MAP4K5: variants seen among roughly 807,000 people sequenced by gnomAD.
The protein encoded by MAP4K5 is MAPK/ERK kinase kinase kinase 5.
MAP4K5 carries 82 observed loss-of-function variants against 135.6 expected under a neutral mutation model. The observed-to-expected ratio is 0.60, with a 90% CI of 0.51 to 0.73. The LOEUF (loss-of-function observed/expected upper bound fraction) is 0.73, where lower values mean the gene tolerates loss of function less well. Ranked by LOEUF, MAP4K5 falls within the 30% of genes least tolerant of loss-of-function variation. The pLI, the probability that MAP4K5 is intolerant of heterozygous loss-of-function variation, is 0.00. For synonymous variants in MAP4K5, 347 were observed against 335.0 expected (o/e 1.04, Z -0.39); for missense variants, 907 against 1,010.9 (o/e 0.90, Z 1.39).
At chr14:50,547,326 G>GA (rs201867805) in intron 1 of MAP4K5, among the ~76,000 whole-genome samples, 125 of 150,614 alleles carry the variant, frequency 8.3e-4, no homozygotes, top group Non-Finnish European at 4.9e-4. Flanking sequence ...ATTTCCAGTT[G>GA]AAAAAAAAAT....
At chr14:50,522,322 A>C (rs1048946928) in intron 2 of MAP4K5, among the ~76,000 whole-genome samples, 2 of 152,046 alleles carry the variant, frequency 1.3e-5, no homozygotes, top group Non-Finnish European at 2.9e-5. Context: ...ATCTTCACCA[A>C]GTTGAAAGTA....
Position 50,485,648 on chromosome 14 carries a change from AC to A in MAP4K5, c.258-7del, listed in dbSNP as rs1566672464. The A allele has an allele frequency of 2.8e-5, 42 of 1,520,208 alleles. No individual in the cohort carries two copies. The highest frequency in any genetic ancestry group is 8.0e-5 in the Admixed American group (4 of 50,256). The allele number at this position is 1,520,208 out of a possible 1,614,324, so 94.2% of individuals were successfully genotyped here. The stretch of plus-strand genomic sequence containing the variant: ...AAATCCATAGTTTTTCCCGACTAAT[AC>A]AAAAAAAAAAGAAAATTATATTAGC... On this transcript the variant is annotated splice_region_variant and splice_polypyrimidine_tract_variant and intron_variant, in intron 4 of 32. Transcript: ENST00000682126.
chr14:50,449,122 C>G (rs911915650), intron 14 of MAP4K5: 3 of 307,916 alleles, frequency 9.7e-6, no homozygotes, highest in Non-Finnish European at 1.8e-5. Flanking sequence ...AAATAAATGA[C>G]TAAGTAAAAA....
Position 50,445,129 on chromosome 14 carries a change from A to G in MAP4K5, c.1251T>C (p.His417=). 1 of 1,613,636 alleles carries G rather than the reference A, an allele frequency of 6.2e-7. No homozygotes were observed. The highest frequency in any genetic ancestry group is 1.1e-5 in the South Asian group (1 of 91,056). The change falls in exon 18 of 33, where the codon CAT becomes CAC. Residue 417 remains histidine (H), a synonymous_variant. Transcript: ENST00000682126. ...PDEEKASTIK[H]CPDSESRAPQ... ...GAGCTCTGCTTTCTGAATCAGGACA[A>G]TGTTTTATGGTTGATGCTTTTTCTT...
chr14:50,490,547 C>T (rs1223178804), intron 3 of MAP4K5, among the ~76,000 whole-genome samples: 2 of 152,168 alleles, frequency 1.3e-5, no homozygotes, highest in African/African-American at 4.8e-5. Context: ...GACAGATTTG[C>T]TAAAAAGTGT....
At chr14:50,525,926 A>C (rs4257133) in intron 2 of MAP4K5, among the ~76,000 whole-genome samples, 129,428 of 152,176 alleles carry the variant, frequency 0.85, 56,644 homozygotes, top group Non-Finnish European at 0.94. Context: ...TTCCTGCCAG[A>C]AAATAGCCTC....
rs1254495771 is a variant in MAP4K5, at chr14:50,476,174, G to A, written c.427-4C>T. The A allele has an allele frequency of 3.3e-6, 5 of 1,506,902 alleles. No individual in the cohort carries two copies. In the South Asian group the frequency reaches 5.2e-5, roughly 16 times the overall value. The allele number at this position is 1,506,902 out of a possible 1,614,324, so 93.3% of individuals were successfully genotyped here. ...CTGTCAATAAAATATTAGCACCCTAGAACAAAAATACAAATACAATTAAAT... is the reference window on the plus strand; with the variant it reads ...CTGTCAATAAAATATTAGCACCCTAAAACAAAAATACAAATACAATTAAAT... On this transcript the variant is annotated splice_region_variant and splice_polypyrimidine_tract_variant and intron_variant, in intron 7 of 32. Transcript: ENST00000682126.
chr14:50,478,515 T>C (rs959221962), intron 6 of MAP4K5, among the ~76,000 whole-genome samples: 4 of 152,156 alleles, frequency 2.6e-5, no homozygotes, highest in Admixed American at 2.0e-4. Flanking sequence ...TTTTGAGAGC[T>C]TCTGTTTAGT....
At position 50,485,578 on chromosome 14, in the gene MAP4K5, C is replaced by T; in HGVS notation, c.322G>A (p.Val108Ile). The T allele has an allele frequency of 2.6e-6, 4 of 1,530,126 alleles. No homozygotes were observed. Among genetic ancestry groups the T allele is most frequent in the Non-Finnish European group, 3.5e-6 (4 of 1,127,436 alleles). The allele number at this position is 1,530,126 out of a possible 1,614,324, so 94.8% of individuals were successfully genotyped here. A position where few individuals can be genotyped will look rare whatever the true frequency, so the allele number is the denominator to read the frequency against. Residue 108 changes from valine (V) to isoleucine (I), a missense_variant and splice_region_variant, in exon 5 of 33, where the codon GTT (valine) becomes ATT (isoleucine). Val to Ile is a conservative substitution (Grantham distance 29, BLOSUM62 3). Around this residue, in one of 3 missense-constraint regions of MAP4K5, gnomAD observed 196 missense variants for 189.3 expected, o/e 1.04. Coordinates refer to ENST00000682126, the MANE Select transcript of MAP4K5 (RefSeq NM_006575.6). Reference sequence around the variant, plus strand: ...AAATGTAAAGTCAAATTAACAGTACCATGGTAAATATCTTGAAGTGATCCG... The same window carrying T: ...AAATGTAAAGTCAAATTAACAGTACTATGGTAAATATCTTGAAGTGATCCG... ...GGGSLQDIYHVTGPLSELQIA... is the reference protein window; with the variant it reads ...GGGSLQDIYHITGPLSELQIA...
intron 1 of MAP4K5, among the ~76,000 whole-genome samples, chr14:50,543,543 G>T (rs1263953790): frequency 6.6e-6 from 1 of 152,182 alleles, no homozygotes; most frequent in Non-Finnish European, 1.5e-5. Flanking sequence ...AAGTGTGGCA[G>T]CAGAGTCATG....
intron 1 of MAP4K5, among the ~76,000 whole-genome samples, chr14:50,552,035 T>G (rs868767517): frequency 5.9e-5 from 9 of 152,022 alleles, no homozygotes; most frequent in South Asian, 2.1e-4. Flanking sequence ...AAGAAAGAAA[T>G]AAAGGGTATT....
chr14:50,436,725 G>GTGGTTGGCAA (rs1307848512), intron 26 of MAP4K5, among the ~76,000 whole-genome samples: 1 of 152,134 alleles, frequency 6.6e-6, no homozygotes, highest in African/African-American at 2.4e-5. Flanking sequence ...GTGGTTGGCA[G>GTGGTTGGCAA]TGGTTGGCAA....
chr14:50,464,843 G>A (rs909784691), intron 11 of MAP4K5, among the ~76,000 whole-genome samples: 4 of 152,198 alleles, frequency 2.6e-5, no homozygotes, highest in African/African-American at 9.6e-5. Flanking sequence ...TTGGTGGCTT[G>A]CGATAAAGAT....
chr14:50,465,347 A>G lies in MAP4K5; in HGVS notation c.738-1214T>C, dbSNP rs190379302. On this transcript the variant is annotated intron_variant, in intron 11 of 32. Transcript: ENST00000682126. ...TCTAGATAAGGAATTCTAGAATTTA[A>G]GAACTCAGAAACTTATTTGCACAGC... is the stretch of plus-strand genomic sequence containing the variant. 3.9e-3 allele frequency among the ~76,000 whole-genome samples: 590 copies of G among 152,324 alleles called. 4 individuals are homozygous for G. The highest frequency in any genetic ancestry group is 0.014 in the African/African-American group (571 of 41,580).
chr14:50,448,669 CT>C (rs2139741320), intron 15 of MAP4K5, 104 bp downstream of exon 15: 1 of 627,132 alleles, frequency 1.6e-6, no homozygotes, highest in Non-Finnish European at 2.7e-6. Flanking sequence ...AAAATTAATG[CT>C]TAAAAGAGTA....
chr14:50,478,034 A>C (rs893111799), intron 6 of MAP4K5, among the ~76,000 whole-genome samples: 19 of 152,026 alleles, frequency 1.2e-4, no homozygotes, highest in African/African-American at 3.9e-4. Context: ...GATTGGCATT[A>C]TTTCTTTCTT....
chr14:50,502,691 G>A lies in MAP4K5; in HGVS notation c.166+2109C>T, dbSNP rs184051482. Among the ~76,000 whole-genome samples, 193 of 152,124 alleles carry A rather than the reference G, an allele frequency of 1.3e-3. 5 individuals are homozygous for A. The South Asian group carries it at 0.018, about 14-fold the overall frequency. ...GTGAAGATTATAATACGCAACAAAAGTTTTGGTAATCAAAACCAGGATAGT... is the reference window on the plus strand; with the variant it reads ...GTGAAGATTATAATACGCAACAAAAATTTTGGTAATCAAAACCAGGATAGT... On this transcript the variant is annotated intron_variant, in intron 3 of 32. Coordinates refer to ENST00000682126, the MANE Select transcript of MAP4K5 (RefSeq NM_006575.6).
At position 50,486,673 on chromosome 14, in the gene MAP4K5, G is replaced by A. The variant is rs539140411; in HGVS notation, c.167-479C>T. Among the ~76,000 whole-genome samples, 4 of 152,316 alleles carry A rather than the reference G, an allele frequency of 2.6e-5. No homozygotes were observed. The East Asian group carries it at 5.8e-4, about 22-fold the overall frequency. On this transcript the variant is annotated intron_variant, in intron 3 of 32. Transcript: ENST00000682126. ...AGGCCAGGCAGGGTGGCTCACGCCT[G>A]TAATTCCAGCACCTTGGGAGGCCGA... is the stretch of plus-strand genomic sequence containing the variant.
chr14:50,451,745 T>G (rs1427564806), intron 14 of MAP4K5, among the ~76,000 whole-genome samples: 1 of 152,122 alleles, frequency 6.6e-6, no homozygotes, highest in Non-Finnish European at 1.5e-5. Flanking sequence ...TGAATATAGC[T>G]TGTCGAAAAG....
Sources: allele counts gnomAD v4.1 joint callset (sites outside exome capture counted in the v4.1 genomes callset), GRCh38; gene constraint gnomAD v4.1.1; regional missense constraint gnomAD v4.1.1; transcripts MANE v1.5; gene names NCBI Gene and HGNC (gene_info 2026-07-23, HGNC 2026-07-21).